CACNA2D3: variants seen among roughly 807,000 people sequenced by gnomAD.
The protein encoded by CACNA2D3 is calcium voltage-gated channel auxiliary subunit alpha2delta 3.
A neutral mutation model predicts 160.6 loss-of-function variants in CACNA2D3; 60 were observed. The ratio of observed to expected loss-of-function variants is 0.37; its 90% CI spans 0.30 to 0.46. CACNA2D3 has a LOEUF of 0.46. CACNA2D3 is among the 20% of genes least tolerant of loss of function. The probability of loss-of-function intolerance (pLI) is 1.00; values close to 1 mark genes in which losing one functional copy is unlikely to be tolerated. For synonymous variants in CACNA2D3, 558 were observed against 492.9 expected (o/e 1.13, Z -1.75); for missense variants, 1,205 against 1,365.0 (o/e 0.88, Z 1.85).
At chr3:54,200,875 G>A (rs1340083390) in intron 2 of CACNA2D3, among the ~76,000 whole-genome samples, 1 of 152,078 alleles carries the variant, frequency 6.6e-6, no homozygotes, top group Non-Finnish European at 1.5e-5. Flanking sequence ...CTTTTTTGTT[G>A]TTGTTGAGAT....
intron 16 of CACNA2D3, among the ~76,000 whole-genome samples, chr3:54,838,924 G>C (rs1698754174): frequency 6.6e-6 from 1 of 151,948 alleles, no homozygotes; most frequent in Non-Finnish European, 1.5e-5. Flanking sequence ...GAATTTTTCT[G>C]ATACACACAG....
chr3:54,595,306 T>C (rs547756258), intron 9 of CACNA2D3, among the ~76,000 whole-genome samples: 2 of 145,108 alleles, frequency 1.4e-5, no homozygotes, highest in South Asian at 4.6e-4. Context: ...GAAAGCTCTG[T>C]GTGTGTGGTG....
chr3:54,906,398 A>G (rs13094955), intron 27 of CACNA2D3, among the ~76,000 whole-genome samples: 13 of 152,158 alleles, frequency 8.5e-5, no homozygotes, highest in Non-Finnish European at 1.6e-4. Flanking sequence ...ATGCCTTTCC[A>G]GGTTGGGGGT....
chr3:54,649,407 T>C (rs1699716281), intron 11 of CACNA2D3, among the ~76,000 whole-genome samples: 1 of 152,216 alleles, frequency 6.6e-6, no homozygotes, highest in African/African-American at 2.4e-5. Flanking sequence ...TGGAGAGAAA[T>C]TAGGCTCCCT....
At chr3:54,525,378 T>A (rs556131551) in intron 5 of CACNA2D3, among the ~76,000 whole-genome samples, 3 of 152,140 alleles carry the variant, frequency 2.0e-5, no homozygotes, top group Non-Finnish European at 4.4e-5. Context: ...GGGCATTCAT[T>A]TTGTCTTTCA....
chr3:54,487,613 T>C (rs1701036092), intron 4 of CACNA2D3, among the ~76,000 whole-genome samples: 1 of 152,138 alleles, frequency 6.6e-6, no homozygotes, highest in African/African-American at 2.4e-5. Flanking sequence ...AGATTAAAAA[T>C]ATTTCTCTTC....
Position 54,956,189 on chromosome 3 carries a change from G to C in CACNA2D3, c.2450-12261G>C, listed in dbSNP as rs148869694. ...CACCCAGGTGTTTGACTTTGAAGTGGGTATCTCCCTGGCCAGAGGGAACCA... is the reference window on the plus strand; with the variant it reads ...CACCCAGGTGTTTGACTTTGAAGTGCGTATCTCCCTGGCCAGAGGGAACCA... On this transcript the variant is annotated intron_variant, in intron 27 of 37. Coordinates refer to ENST00000474759, the MANE Select transcript of CACNA2D3 (RefSeq NM_018398.3). 6.4e-3 allele frequency among the ~76,000 whole-genome samples: 971 copies of C among 152,270 alleles called. 9 individuals carry two copies. Among genetic ancestry groups the C allele is most frequent in the African/African-American group, 0.022 (917 of 41,544 alleles).
intron 2 of CACNA2D3, among the ~76,000 whole-genome samples, chr3:54,291,604 C>T (rs547118835): frequency 2.6e-5 from 4 of 152,104 alleles, no homozygotes; most frequent in South Asian, 2.1e-4. Flanking sequence ...CTCTCCCCAG[C>T]GAAACAGAAC....
chr3:54,372,259 A>T (rs912034079), intron 3 of CACNA2D3, among the ~76,000 whole-genome samples: 5 of 152,182 alleles, frequency 3.3e-5, no homozygotes, highest in African/African-American at 7.2e-5. Flanking sequence ...AACTGTCTTA[A>T]CTCACAAAGT....
intron 4 of CACNA2D3, among the ~76,000 whole-genome samples, chr3:54,425,871 T>A (rs1047245562): frequency 2.6e-5 from 4 of 152,196 alleles, no homozygotes; most frequent in Non-Finnish European, 5.9e-5. Context: ...CAATGAGTGA[T>A]CTTGCTGCCC....
chr3:54,791,131 C>T lies in CACNA2D3; in HGVS notation c.1381-25722C>T, dbSNP rs1488765130. 1.3e-5 allele frequency among the ~76,000 whole-genome samples: 2 copies of T among 152,118 alleles called. 1 individual carries two copies. The highest frequency in any genetic ancestry group is 4.8e-5 in the African/African-American group (2 of 41,442). On this transcript the variant is annotated intron_variant, in intron 13 of 37. Coordinates refer to ENST00000474759, the MANE Select transcript of CACNA2D3 (RefSeq NM_018398.3). ...TGAGCTCTGCTCACTCAGCAGAATG[C>T]CTCCACATGACAGATGCCTGGGAAA...
At chr3:54,716,412 A>G (rs1701050421) in intron 11 of CACNA2D3, among the ~76,000 whole-genome samples, 1 of 152,216 alleles carries the variant, frequency 6.6e-6, no homozygotes, top group Non-Finnish European at 1.5e-5. Context: ...GATGAAAAAA[A>G]GAGGGAAGAT....
chr3:54,547,840 G>T (rs113064625), intron 5 of CACNA2D3, among the ~76,000 whole-genome samples: 2 of 151,902 alleles, frequency 1.3e-5, no homozygotes, highest in African/African-American at 2.4e-5. Flanking sequence ...ATCCACCACT[G>T]CAGCCAGCTA....
At chr3:54,551,740 T>C (rs764681543) in intron 5 of CACNA2D3, among the ~76,000 whole-genome samples, 6 of 152,200 alleles carry the variant, frequency 3.9e-5, no homozygotes, top group Non-Finnish European at 7.3e-5. Flanking sequence ...TCAAGCAAAA[T>C]GCTTGAGTTC....
At chr3:54,302,085 G>C (rs1227166421) in intron 2 of CACNA2D3, among the ~76,000 whole-genome samples, 1 of 152,220 alleles carries the variant, frequency 6.6e-6, no homozygotes, top group African/African-American at 2.4e-5. Flanking sequence ...TAGCATTGGT[G>C]TGTAACAGCA....
chr3:54,620,352 C>A (rs548404628), intron 9 of CACNA2D3, among the ~76,000 whole-genome samples: 1 of 152,282 alleles, frequency 6.6e-6, no homozygotes, highest in Non-Finnish European at 1.5e-5. Flanking sequence ...AGCCACAGTG[C>A]AAAGTGACCT....
chr3:54,848,279 A>G (rs1029672898), intron 17 of CACNA2D3, among the ~76,000 whole-genome samples: 8 of 152,240 alleles, frequency 5.3e-5, no homozygotes, highest in East Asian at 1.9e-4. Flanking sequence ...AACTCCATCA[A>G]TGCTGTTCAT....
Position 55,007,790 on chromosome 3 carries a change from C to T in CACNA2D3, c.2767C>T (p.Pro923Ser). ...TAATGAACTGAATTCTTCTCTTCAG[C>T]CTTATAATGCCTTCCTCTCTGCAGT... ...SSDGAHGLLD[P>S]YNAFLSAVKW... Residue 923 changes from proline to serine, a missense_variant and splice_region_variant, in exon 33 of 38, where the codon CCT becomes TCT. Physicochemically the swap from Pro to Ser is moderately conservative, Grantham distance 74. Around this residue, in one of 3 missense-constraint regions of CACNA2D3, gnomAD observed 911 missense variants for 1,002.2 expected, o/e 0.91. Transcript: ENST00000474759. 1 of 1,551,686 alleles carries T rather than the reference C, an allele frequency of 6.4e-7. No homozygotes were observed. Among genetic ancestry groups the T allele is most frequent in the Non-Finnish European group, 8.7e-7 (1 of 1,150,822 alleles).
At chr3:54,263,007 A>C (rs1702433273) in intron 2 of CACNA2D3, among the ~76,000 whole-genome samples, 1 of 152,142 alleles carries the variant, frequency 6.6e-6, no homozygotes, top group African/African-American at 2.4e-5. Context: ...AGTCACTATG[A>C]TGGATTTATA....
Sources: allele counts gnomAD v4.1 joint callset (sites outside exome capture counted in the v4.1 genomes callset), GRCh38; gene constraint gnomAD v4.1.1; regional missense constraint gnomAD v4.1.1; transcripts MANE v1.5; gene names NCBI Gene and HGNC (gene_info 2026-07-23, HGNC 2026-07-21).